The following CPLANE1 variants were observed in gnomAD, a reference collection of about 807,000 sequenced individuals.
The protein encoded by CPLANE1 is ciliogenesis and planar polarity effector complex subunit 1.
CPLANE1 carries 263 observed loss-of-function variants against 362.5 expected under a neutral mutation model. The observed-to-expected ratio is 0.73, with a 90% CI of 0.66 to 0.80. The LOEUF (loss-of-function observed/expected upper bound fraction) is 0.80, where lower values mean the gene tolerates loss of function less well. Ranked by LOEUF, CPLANE1 falls within the 30% of genes least tolerant of loss-of-function variation. CPLANE1 has a pLI of 0.00. For synonymous variants in CPLANE1, 1,212 were observed against 1,302.6 expected (o/e 0.93, Z 1.50); for missense variants, 3,461 against 3,793.4 (o/e 0.91, Z 2.30).
intron 23 of CPLANE1, 60 bp from the exon 24 acceptor site, chr5:37,186,454 TCCACAAATATTTTATTTTAACTCAA>T (rs1354683131): frequency 8.9e-6 from 7 of 782,888 alleles, no homozygotes; most frequent in African/African-American, 1.7e-5. Context: ...TTTCTTCCAT[TCCACAAATATTTTATTTTAACTCAA>T]AATATAAATG....
the CPLANE1 span, among the ~76,000 whole-genome samples, chr5:37,084,302 G>A: frequency 6.6e-6 from 1 of 152,120 alleles, no homozygotes; most frequent in East Asian, 1.9e-4. Flanking sequence ...ACAAATCCAG[G>A]AAACCCATCA....
intron 21 of CPLANE1, among the ~76,000 whole-genome samples, chr5:37,195,017 C>T (rs1053824466): frequency 2.6e-5 from 4 of 151,546 alleles, no homozygotes; most frequent in African/African-American, 7.3e-5. Context: ...TAGCCGGGCA[C>T]GGTGGCGGGT....
At chr5:37,135,477 C>G (rs544679792) in intron 46 of CPLANE1, among the ~76,000 whole-genome samples, 5 of 152,262 alleles carry the variant, frequency 3.3e-5, no homozygotes, top group African/African-American at 1.2e-4. Flanking sequence ...CAAACATGTC[C>G]TTCTCCACAT....
At chr5:37,203,710 G>T (rs1288958363) in intron 18 of CPLANE1, among the ~76,000 whole-genome samples, 1 of 152,118 alleles carries the variant, frequency 6.6e-6, no homozygotes, top group Non-Finnish European at 1.5e-5. Flanking sequence ...TAGAGACAGG[G>T]TTTTGTCATA....
rs1000631711 is a variant in CPLANE1, at chr5:37,238,496, T to C, written c.938+361A>G. Among the ~76,000 whole-genome samples, 47 of 139,556 alleles carry C rather than the reference T, an allele frequency of 3.4e-4. No homozygotes were observed. The South Asian group carries it at 5.9e-3, about 18-fold the overall frequency. The allele number at this position is 139,556 out of a possible 152,430, so 91.6% of individuals were successfully genotyped here. A position where few individuals can be genotyped will look rare whatever the true frequency, so the allele number is the denominator to read the frequency against. On this transcript the variant is annotated intron_variant, in intron 8 of 52. Coordinates refer to ENST00000651892, the MANE Select transcript of CPLANE1 (RefSeq NM_001384732.1). Reference sequence around the variant, plus strand: ...CAGCGCCCAGCCTTTTCTTTTTTTTTTTTTTTTTTTTTTTTTGAGATAGGG... The same window carrying C: ...CAGCGCCCAGCCTTTTCTTTTTTTTCTTTTTTTTTTTTTTTTGAGATAGGG...
chr5:37,204,967 G>A (rs1444185465), intron 18 of CPLANE1, among the ~76,000 whole-genome samples: 1 of 152,170 alleles, frequency 6.6e-6, no homozygotes, highest in Non-Finnish European at 1.5e-5. Context: ...GACCAGCCTG[G>A]CCAACAAGGT....
chr5:37,111,568 C>T (rs1759350512), intron 51 of CPLANE1, among the ~76,000 whole-genome samples: 1 of 152,086 alleles, frequency 6.6e-6, no homozygotes, highest in South Asian at 2.1e-4. Flanking sequence ...TGGATTAGTG[C>T]CAAAGGGAAG....
rs535832818 is a variant in CPLANE1 at position 37,171,678 on chromosome 5, T to C, written c.6172-1347A>G. 1.3e-3 allele frequency among the ~76,000 whole-genome samples: 199 copies of C among 152,118 alleles called. 1 individual carries two copies. The highest frequency in any genetic ancestry group is 0.01 in the Middle Eastern group (3 of 294). On this transcript the variant is annotated intron_variant, in intron 32 of 52. Transcript: ENST00000651892. ...AGAAATTTTAAAAATAAAATAAATA[T>C]CATTCATAATCCTACCCTCAAAAAT...
Position 37,107,637 on chromosome 5 carries a change from G to T in CPLANE1, c.9721C>A (p.Gln3241Lys), listed in dbSNP as rs1757890182. 3 of 1,610,894 alleles carry T rather than the reference G, an allele frequency of 1.9e-6. No homozygotes were observed. Among genetic ancestry groups the T allele is most frequent in the Non-Finnish European group, 2.5e-6 (3 of 1,179,366 alleles). The change falls in exon 53 of 53, where the codon CAG (glutamine) becomes AAG (lysine). Residue 3241 changes from glutamine (Q) to lysine (K), a missense_variant. By Grantham distance (53) the Gln-to-Lys change is moderately conservative (BLOSUM62 1). Transcript: ENST00000651892. ...AGGGCCCAGTGGACAGACAGGCCCTGGTCCTCCACGCTGGCCACCATGTCT... is the reference window on the plus strand; with the variant it reads ...AGGGCCCAGTGGACAGACAGGCCCTTGTCCTCCACGCTGGCCACCATGTCT... The part of the protein sequence containing the change: ...IEDMVASVED[Q>K]GLSVHWALDL
At chr5:37,141,805 T>TAAAACAAAAAC (rs931991136) in intron 44 of CPLANE1, 2 of 978,360 alleles carry the variant, frequency 2.0e-6, no homozygotes, top group Admixed American at 1.2e-4. Context: ...CCAAATGAAA[T>TAAAACAAAAAC]AAAACAAAAA....
At chr5:37,243,395 C>T (rs1478848551) in intron 5 of CPLANE1, among the ~76,000 whole-genome samples, 1 of 151,732 alleles carries the variant, frequency 6.6e-6, no homozygotes, top group Admixed American at 6.6e-5. Flanking sequence ...TTATTTTTCT[C>T]TTTTTATACT....
the CPLANE1 span, among the ~76,000 whole-genome samples, chr5:37,076,146 C>T: frequency 1.3e-5 from 2 of 151,640 alleles, no homozygotes; most frequent in Non-Finnish European, 2.9e-5. Flanking sequence ...GTCCCAGCTA[C>T]TCAGGAGGCC....
At chr5:37,096,912 T>A in the CPLANE1 span, among the ~76,000 whole-genome samples, 3 of 152,048 alleles carry the variant, frequency 2.0e-5, no homozygotes, top group Non-Finnish European at 4.4e-5. Flanking sequence ...AAACAATAGA[T>A]GTTGGCGTGG....
chr5:37,138,975 T>C lies in CPLANE1; in HGVS notation c.8664-127A>G. 3.7e-6 allele frequency: 3 copies of C among 807,060 alleles called. No individual in the cohort carries two copies. In the South Asian group the frequency reaches 6.8e-5, roughly 18 times the overall value. The allele number at this position is 807,060 out of a possible 1,614,324, so 50.0% of individuals were successfully genotyped here. Reference sequence around the variant, plus strand: ...ATATATCTACTGTTCCTTCTATTTCTGTAATTCTAGTATCTCTCAGTGAAA... The same window carrying C: ...ATATATCTACTGTTCCTTCTATTTCCGTAATTCTAGTATCTCTCAGTGAAA... On this transcript the variant is annotated intron_variant, in intron 45 of 52. Transcript: ENST00000651892.
At chr5:37,165,822 T>C in intron 35 of CPLANE1, 151 bp from the exon 36 acceptor site, 1 of 705,468 alleles carries the variant, frequency 1.4e-6, no homozygotes, top group Non-Finnish European at 2.3e-6. Flanking sequence ...ATTCTGCAAA[T>C]ACAAGCAAAT....
At chr5:37,160,297 G>A (rs988659892) in intron 38 of CPLANE1, among the ~76,000 whole-genome samples, 5 of 152,150 alleles carry the variant, frequency 3.3e-5, no homozygotes, top group Admixed American at 1.3e-4. Flanking sequence ...GTTCAAGCCT[G>A]TAATCCCAGC....
At position 37,167,062 on chromosome 5, in the gene CPLANE1, T is replaced by C. The variant is rs771587067; in HGVS notation, c.7385A>G (p.Lys2462Arg). ...KIEPPEVRQGKDSKKRQRRRA... is the reference protein window; with the variant it reads ...KIEPPEVRQGRDSKKRQRRRA... ...TAAGCCTTGCCTTTTTTTACTGTCC[T>C]TTCCTTGTCTTACTTCAGGTGGTTC... Residue 2462 changes from lysine (K) to arginine (R), a missense_variant, in exon 35 of 53, where the codon AAG (lysine) becomes AGG (arginine). Lys to Arg is a conservative substitution (Grantham distance 26). Around this residue, in one of 2 missense-constraint regions of CPLANE1, gnomAD observed 3,380 missense variants for 3,666.1 expected, o/e 0.92. Transcript: ENST00000651892. The C allele has an allele frequency of 3.7e-6, 6 of 1,610,962 alleles. No individual in the cohort carries two copies. In the Admixed American group the frequency reaches 1.0e-4, roughly 27 times the overall value.
chr5:37,183,035 T>G lies in CPLANE1; in HGVS notation c.5146A>C (p.Arg1716=), dbSNP rs774695251. Reference sequence around the variant, plus strand: ...CACTGAATAGCTTTGAAAATACATCTTCTAGTTTTAATGGACTTGGGAGTC... The same window carrying G: ...CACTGAATAGCTTTGAAAATACATCGTCTAGTTTTAATGGACTTGGGAGTC... ...FWTPKSIKTR[R]CIFKAIQCND... The change falls in exon 26 of 53, where the codon AGA becomes CGA. Residue 1716 remains arginine, a synonymous_variant. Transcript: ENST00000651892. The G allele has an allele frequency of 4.3e-6, 7 of 1,613,376 alleles. No individual in the cohort carries two copies. The South Asian group carries it at 6.6e-5, about 15-fold the overall frequency.
rs1792070594 is a variant in CPLANE1 at position 37,209,823 on chromosome 5, A to G, written c.2921-3398T>C. 2.2e-6 allele frequency: 3 copies of G among 1,351,498 alleles called. No individual in the cohort carries two copies. The highest frequency in any genetic ancestry group is 3.2e-6 in the Non-Finnish European group (3 of 943,076). The allele number at this position is 1,351,498 out of a possible 1,614,324, so 83.7% of individuals were successfully genotyped here. A position where few individuals can be genotyped will look rare whatever the true frequency, so the allele number is the denominator to read the frequency against. On this transcript the variant is annotated intron_variant, in intron 16 of 52. Transcript: ENST00000651892. This position sits in a 1 kb window ranked among gnomAD's most constrained non-coding sequence, Gnocchi z 4.6. ...AGGATTGGCAGAATATCATCAAGCT[A>G]AAGAAAGTTGTAATATGGAAACTCA...
Sources: gnomAD v4.1 joint callset for allele counts (sites outside exome capture counted in the v4.1 genomes callset) on GRCh38, gnomAD v4.1.1 for gene constraint, gnomAD v4.1.1 regional missense constraint, Gnocchi (gnomAD v3.1) non-coding constraint, MANE v1.5 for transcripts, NCBI Gene and HGNC (gene_info 2026-07-23, HGNC 2026-07-21) for gene names.